ARHGEF18: variants seen among roughly 807,000 people sequenced by gnomAD.
ARHGEF18 encodes the protein Rho/Rac guanine nucleotide exchange factor 18, also known as rho guanine nucleotide exchange factor 18.
A neutral mutation model predicts 155.7 loss-of-function variants in ARHGEF18; 93 were observed. The ratio of observed to expected loss-of-function variants is 0.60; its 90% CI spans 0.50 to 0.71. The LOEUF is 0.71. Among genes scored for constraint, ARHGEF18 ranks in the 30% least tolerant of loss-of-function variants. ARHGEF18 has a pLI of 0.00. For synonymous variants in ARHGEF18, 742 were observed against 753.1 expected (o/e 0.99, Z 0.24); for missense variants, 1,593 against 1,816.1 (o/e 0.88, Z 2.23).
intron 10 of ARHGEF18, among the ~76,000 whole-genome samples, chr19:7,405,562 C>G (rs975102293): frequency 1.3e-5 from 2 of 152,216 alleles, no homozygotes; most frequent in African/African-American, 4.8e-5. Context: ...GTTCAGCCCA[C>G]TTCAGGAACC....
At chr19:7,477,540 T>TGAGTGG in the ARHGEF18 span, 5 of 972,542 alleles carry the variant, frequency 5.1e-6, no homozygotes, top group Non-Finnish European at 7.0e-6. Context: ...CCCCTGCCTG[T>TGAGTGG]GAGTGGGAGG....
At chr19:7,473,702 C>A (rs926826770), downstream of ARHGEF18, among the ~76,000 whole-genome samples, 1 of 149,706 alleles carries the variant, frequency 6.7e-6, no homozygotes, top group South Asian at 2.1e-4. Context: ...CCCAGCTACT[C>A]GGGAGGCTGA....
In ARHGEF18 at chr19:7,444,578, A is replaced by T; in HGVS notation, c.1611+124A>T. ...CAGGCTGGAGTGCAGTGGTGCAGTCACAGCTCAATGCAGCCTCAACCTCTC... is the reference window on the plus strand; with the variant it reads ...CAGGCTGGAGTGCAGTGGTGCAGTCTCAGCTCAATGCAGCCTCAACCTCTC... On this transcript the variant is annotated intron_variant, in intron 14 of 28. Coordinates refer to ENST00000668164, the MANE Select transcript of ARHGEF18 (RefSeq NM_001367823.1). The surrounding 1 kb of genome is among the most constrained non-coding windows in gnomAD (Gnocchi z 4.7). 3 of 1,358,400 alleles carry T rather than the reference A, an allele frequency of 2.2e-6. No homozygotes were observed. The highest frequency in any genetic ancestry group is 2.0e-6 in the Non-Finnish European group (2 of 1,013,252). 84.1% of individuals were successfully genotyped at this position (1,358,400 alleles called of 1,614,324 possible).
chr19:7,408,177 G>A (rs757716570), intron 10 of ARHGEF18, among the ~76,000 whole-genome samples: 6 of 151,932 alleles, frequency 3.9e-5, no homozygotes, highest in Non-Finnish European at 7.4e-5. Context: ...TACTTGGGGG[G>A]TGAGACAGGA....
intron 19 of ARHGEF18, among the ~76,000 whole-genome samples, chr19:7,459,210 CTATTT>C (rs1346304765): frequency 6.6e-6 from 1 of 151,782 alleles, no homozygotes; most frequent in African/African-American, 2.4e-5. Context: ...TGCGCCCAGC[CTATTT>C]TGTTTTGTTT....
chr19:7,469,804 C>A, intron 27 of ARHGEF18, 100 bp from the exon 28 acceptor site: 2 of 1,432,190 alleles, frequency 1.4e-6, no homozygotes, highest in Non-Finnish European at 1.9e-6. Flanking sequence ...TGGGAAGTGT[C>A]AGGTGGGGGT....
At chr19:7,397,073 C>T (rs1600290486) in intron 10 of ARHGEF18, among the ~76,000 whole-genome samples, 2 of 116,500 alleles carry the variant, frequency 1.7e-5, no homozygotes, top group Non-Finnish European at 1.6e-5. Flanking sequence ...TTTCCTATTT[C>T]TGTAGGTCAG....
Position 7,444,404 on chromosome 19 carries a change from A to C in ARHGEF18, c.1561A>C (p.Ser521Arg), listed in dbSNP as rs1441499149. 6 of 1,613,612 alleles carry C rather than the reference A, an allele frequency of 3.7e-6. No individual in the cohort carries two copies. The highest frequency in any genetic ancestry group is 4.2e-6 in the Non-Finnish European group (5 of 1,180,040). ...ERRQESLEEG[S>R]DRNYVIQKIG... is the part of the protein sequence containing the mutation. ...CCGCCAGGAGTCCCTGGAGGAGGGCAGTGACCGGAATTATGTCATCCAGAA... is the reference window on the plus strand; with the variant it reads ...CCGCCAGGAGTCCCTGGAGGAGGGCCGTGACCGGAATTATGTCATCCAGAA... Residue 521 changes from serine (S) to arginine (R), a missense_variant, in exon 14 of 29, where the codon AGT (serine) becomes CGT (arginine). Transcript: ENST00000668164. This position sits in a 1 kb window ranked among gnomAD's most constrained non-coding sequence, Gnocchi z 4.7.
intron 27 of ARHGEF18, 96 bp from the exon 28 acceptor site, chr19:7,469,808 T>C: frequency 6.9e-7 from 1 of 1,453,170 alleles, no homozygotes. Context: ...AAGTGTCAGG[T>C]GGGGGTGGCC....
chr19:7,425,506 A>AC (rs1477255350), intron 10 of ARHGEF18, among the ~76,000 whole-genome samples: 2 of 151,654 alleles, frequency 1.3e-5, no homozygotes, highest in Non-Finnish European at 2.9e-5. Flanking sequence ...ACATGGTGAC[A>AC]CCCCGTCTCT....
chr19:7,468,898 C>T lies in ARHGEF18; in HGVS notation c.3554C>T (p.Ser1185Phe), dbSNP rs766910888. The change falls in exon 27 of 29, where the codon TCC (serine) becomes TTC (phenylalanine). Residue 1185 changes from serine (S) to phenylalanine (F), a missense_variant. By Grantham distance (155) the Ser-to-Phe change is radical. Coordinates refer to ENST00000668164, the MANE Select transcript of ARHGEF18 (RefSeq NM_001367823.1). The stretch of plus-strand genomic sequence containing the variant: ...GGCCCTCGTGTGAGCATGCTGCCAT[C>T]CGGCGTGGGGCCAGAGTACGCAGAG... ...LEGPRVSMLP[S>F]GVGPEYAERP... 6.4e-7 allele frequency: 1 copy of T among 1,574,546 alleles called. No homozygotes were observed. The highest frequency in any genetic ancestry group is 1.8e-5 in the Admixed American group (1 of 54,824).
chr19:7,362,945 G>A (rs775693460), intron 2 of ARHGEF18, 40 bp downstream of exon 2: 41 of 1,234,216 alleles, frequency 3.3e-5, no homozygotes, highest in South Asian at 1.6e-4. Flanking sequence ...AGCTGATGAC[G>A]ACAGTGGCAG....
rs941316410 is a variant in ARHGEF18, at chr19:7,431,662, A to G, written c.968-8682A>G. ...GAAACCCCGTCTCTACTAAAAATAC[A>G]AAATTAGCGGGCGTGGCGGCGCATG... On this transcript the variant is annotated intron_variant, in intron 10 of 28. Transcript: ENST00000668164. 1.1e-4 allele frequency among the ~76,000 whole-genome samples: 17 copies of G among 152,278 alleles called. No homozygotes were observed. The East Asian group carries it at 1.2e-3, about 10-fold the overall frequency.
Position 7,406,900 on chromosome 19 carries a change from C to CA in ARHGEF18, c.967+23706dup, listed in dbSNP as rs921116340. On this transcript the variant is annotated intron_variant, in intron 10 of 28. Transcript: ENST00000668164. The stretch of plus-strand genomic sequence containing the variant: ...AAACCCCGTCTCTACTAAAAAAAAA[C>CA]AAAAAAAAACAAAAATTAGCCGGGC... 4.1e-4 allele frequency among the ~76,000 whole-genome samples: 60 copies of CA among 144,714 alleles called. 1 individual carries two copies. Among genetic ancestry groups the CA allele is most frequent in the Middle Eastern group, 3.5e-3 (1 of 288 alleles). 94.9% of individuals were successfully genotyped at this position (144,714 alleles called of 152,430 possible). A position where few individuals can be genotyped will look rare whatever the true frequency, so the allele number is the denominator to read the frequency against.
chr19:7,397,747 AT>A lies in ARHGEF18; in HGVS notation c.967+14552del, dbSNP rs1377129664. Among the ~76,000 whole-genome samples, 534 of 149,176 alleles carry A rather than the reference AT, an allele frequency of 3.6e-3. 2 individuals carry two copies. The highest frequency in any genetic ancestry group is 0.012 in the African/African-American group (491 of 39,542). On this transcript the variant is annotated intron_variant, in intron 10 of 28. Coordinates refer to ENST00000668164, the MANE Select transcript of ARHGEF18 (RefSeq NM_001367823.1). ...GATTCCATCTCAAAAAAAAAAAAAA[AT>A]TTTTTTTGTGGGGTCTCGCTATGTT...
intron 10 of ARHGEF18, among the ~76,000 whole-genome samples, chr19:7,429,991 G>A (rs1435364855): frequency 6.8e-6 from 1 of 147,144 alleles, no homozygotes; most frequent in African/African-American, 2.5e-5. Context: ...GGAAACTATT[G>A]CTTGGGAATA....
In ARHGEF18 at chr19:7,470,023, C is replaced by T. The variant is rs1353445905; in HGVS notation, c.3907C>T (p.Pro1303Ser). 1 of 1,612,862 alleles carries T rather than the reference C, an allele frequency of 6.2e-7. No homozygotes were observed. The highest frequency in any genetic ancestry group is 1.7e-5 in the Admixed American group (1 of 59,974). ...GCCCGGCAGACACAGTCCTGCGCCCCCACCAGGTGAGCCCCCACCCCCTGA... is the reference window on the plus strand; with the variant it reads ...GCCCGGCAGACACAGTCCTGCGCCCTCACCAGGTGAGCCCCCACCCCCTGA... ...ILPGRHSPAP[P>S]PDPGFPAPSP... Residue 1303 changes from proline to serine, a missense_variant, in exon 28 of 29, where the codon CCA (proline) becomes TCA (serine). Physicochemically the swap from Pro to Ser is moderately conservative, Grantham distance 74 (BLOSUM62 -1). Coordinates refer to ENST00000668164, the MANE Select transcript of ARHGEF18 (RefSeq NM_001367823.1). This position sits in a 1 kb window ranked among gnomAD's most constrained non-coding sequence, Gnocchi z 5.9.
intron 10 of ARHGEF18, among the ~76,000 whole-genome samples, chr19:7,407,927 A>C (rs1003054504): frequency 6.8e-5 from 9 of 133,214 alleles, no homozygotes; most frequent in African/African-American, 2.3e-4. Flanking sequence ...GCGCCACTGC[A>C]CTCCAGCCTG....
At chr19:7,455,275 T>C (rs895070621) in intron 17 of ARHGEF18, among the ~76,000 whole-genome samples, 1 of 152,152 alleles carries the variant, frequency 6.6e-6, no homozygotes, top group Non-Finnish European at 1.5e-5. Flanking sequence ...CATCAGTCAC[T>C]GGGCTGAAAG....
Sources: allele counts gnomAD v4.1 joint callset (sites outside exome capture counted in the v4.1 genomes callset), GRCh38; gene constraint gnomAD v4.1.1; non-coding constraint Gnocchi (gnomAD v3.1); transcripts MANE v1.5; gene names NCBI Gene and HGNC (gene_info 2026-07-23, HGNC 2026-07-21).